The following BCAS3 variants were observed in gnomAD, a reference collection of about 807,000 sequenced individuals.
The protein encoded by BCAS3 is BCAS4/BCAS3 fusion.
In BCAS3, 53 loss-of-function variants were observed where a neutral mutation model predicts 116.1. The ratio of observed to expected loss-of-function variants is 0.46; its 90% CI spans 0.37 to 0.57. The LOEUF (loss-of-function observed/expected upper bound fraction) is 0.57. BCAS3 is among the 20% of genes least tolerant of loss of function. The probability of loss-of-function intolerance (pLI) is 0.00; values close to 1 mark genes in which losing one functional copy is unlikely to be tolerated. For missense variants in BCAS3, 917 were observed against 1,165.4 expected (o/e 0.79, Z 3.10); for synonymous variants, 391 against 408.2 (o/e 0.96, Z 0.51).
chr17:60,815,472 A>G (rs557654673), intron 7 of BCAS3, among the ~76,000 whole-genome samples: 3 of 152,326 alleles, frequency 2.0e-5, no homozygotes, highest in African/African-American at 7.2e-5. Context: ...AAAAAAGTCC[A>G]GTGCCAACTT....
In BCAS3 at chr17:61,040,873, T is replaced by C. The variant is rs185625888; in HGVS notation, c.2010T>C (p.Tyr670=). The change falls in exon 19 of 24, where the codon TAT becomes TAC. Residue 670 remains tyrosine (Y), a synonymous_variant. Transcript: ENST00000407086. The part of the protein sequence containing the change: ...LLLAADAVQY[Y]QFLLAGLVPP... ...TCGCTGCAGATGCAGTACAGTATTA[T>C]CAGTTCCTGCTTGCTGGCCGTAAGT... 156 of 1,613,962 alleles carry C rather than the reference T, an allele frequency of 9.7e-5. No homozygotes were observed. In the African/African-American group the frequency reaches 1.9e-3, roughly 20 times the overall value.
At chr17:60,959,896 A>G (rs2061331790) in intron 14 of BCAS3, among the ~76,000 whole-genome samples, 1 of 152,206 alleles carries the variant, frequency 6.6e-6, no homozygotes, top group South Asian at 2.1e-4. Context: ...TCTTTGAGTT[A>G]TAGCCACATC....
intron 22 of BCAS3, among the ~76,000 whole-genome samples, chr17:61,123,409 T>A (rs2075889411): frequency 6.6e-6 from 1 of 152,064 alleles, no homozygotes; most frequent in African/African-American, 2.4e-5. Flanking sequence ...TCGGACATAT[T>A]CAGTATAAAA....
At chr17:60,912,692 C>A (rs1355688762) in intron 12 of BCAS3, among the ~76,000 whole-genome samples, 2 of 152,008 alleles carry the variant, frequency 1.3e-5, no homozygotes, top group African/African-American at 4.8e-5. Flanking sequence ...CAAATGTTCT[C>A]TTTTTTAATT....
intron 5 of BCAS3, among the ~76,000 whole-genome samples, chr17:60,715,069 A>G (rs956014073): frequency 5.9e-5 from 9 of 152,162 alleles, no homozygotes; most frequent in Admixed American, 5.9e-4. Flanking sequence ...ATATATTTTA[A>G]AAACCAAATA....
At chr17:60,867,680 T>C (rs1024344333) in intron 7 of BCAS3, among the ~76,000 whole-genome samples, 7 of 152,196 alleles carry the variant, frequency 4.6e-5, no homozygotes, top group African/African-American at 1.7e-4. Context: ...ATGATCTATA[T>C]TTCTATGCAC....
intron 6 of BCAS3, among the ~76,000 whole-genome samples, chr17:60,780,203 T>A (rs1348659057): frequency 2.0e-5 from 3 of 151,724 alleles, no homozygotes; most frequent in African/African-American, 7.3e-5. Flanking sequence ...TTGGCCAAGC[T>A]GGTCTCAAAC....
At chr17:61,314,583 C>A (rs2054582902) in intron 22 of BCAS3, among the ~76,000 whole-genome samples, 1 of 152,222 alleles carries the variant, frequency 6.6e-6, no homozygotes, top group South Asian at 2.1e-4. Flanking sequence ...GACAACCTTA[C>A]AGCTACAGTG....
At chr17:60,686,356 GT>G (rs1650460811) in intron 3 of BCAS3, among the ~76,000 whole-genome samples, 1 of 152,088 alleles carries the variant, frequency 6.6e-6, no homozygotes, top group African/African-American at 2.4e-5. Flanking sequence ...TGGAGCCTAG[GT>G]ATTCTCTGGG....
rs1349315314 is a variant in BCAS3 at position 61,221,431 on chromosome 17, G to A, written c.2425+136867G>A. On this transcript the variant is annotated intron_variant, in intron 22 of 23. Coordinates refer to ENST00000407086, the MANE Select transcript of BCAS3 (RefSeq NM_017679.5). ...CTTCCCAAACCACATTGATAGCACTGGGTTATCATCTGTCCTTTAGAGATT... is the reference window on the plus strand; with the variant it reads ...CTTCCCAAACCACATTGATAGCACTAGGTTATCATCTGTCCTTTAGAGATT... 2.0e-5 allele frequency among the ~76,000 whole-genome samples: 3 copies of A among 152,106 alleles called. No homozygotes were observed. The East Asian group carries it at 5.8e-4, about 29-fold the overall frequency.
At chr17:61,060,925 C>T (rs187618327) in intron 19 of BCAS3, among the ~76,000 whole-genome samples, 4 of 149,890 alleles carry the variant, frequency 2.7e-5, no homozygotes, top group Admixed American at 6.6e-5. Flanking sequence ...AGTAGTTTGA[C>T]GTTGTGGAGT....
In BCAS3 at chr17:61,333,770, A is replaced by G. The variant is rs556673054; in HGVS notation, c.2426-34557A>G. Among the ~76,000 whole-genome samples, 133 of 151,802 alleles carry G rather than the reference A, an allele frequency of 8.8e-4. No homozygotes were observed. The highest frequency in any genetic ancestry group is 1.7e-3 in the Non-Finnish European group (115 of 67,924). Reference sequence around the variant, plus strand: ...CGAGTAGCTGGGATTACAGGGGCACACTACCACACCCAGCTCATTTTTATA... The same window carrying G: ...CGAGTAGCTGGGATTACAGGGGCACGCTACCACACCCAGCTCATTTTTATA... On this transcript the variant is annotated intron_variant, in intron 22 of 23. Transcript: ENST00000407086. This position sits in a 1 kb window ranked among gnomAD's most constrained non-coding sequence, Gnocchi z 4.8.
chr17:60,731,091 T>C (rs564235287), intron 5 of BCAS3, among the ~76,000 whole-genome samples: 266 of 152,334 alleles, frequency 1.7e-3, no homozygotes, highest in Non-Finnish European at 2.6e-3. Context: ...ATTTTTAAGT[T>C]AAAAAAACTA....
In BCAS3 at chr17:60,960,549, T is replaced by G. The variant is rs2061362820; in HGVS notation, c.1221+13197T>G. On this transcript the variant is annotated intron_variant, in intron 14 of 23. Coordinates refer to ENST00000407086, the MANE Select transcript of BCAS3 (RefSeq NM_017679.5). This position sits in a 1 kb window ranked among gnomAD's most constrained non-coding sequence, Gnocchi z 4.1. ...TGTGTTTCAAGGCCAGAGTTTCCCA[T>G]CTGGCTTGAGGCACTGCCCTCCTGG... Among the ~76,000 whole-genome samples, 1 of 152,204 alleles carries G rather than the reference T, an allele frequency of 6.6e-6. No homozygotes were observed. Among genetic ancestry groups the G allele is most frequent in the Admixed American group, 6.5e-5 (1 of 15,288 alleles).
At chr17:61,225,405 A>G (rs1210739792) in intron 22 of BCAS3, among the ~76,000 whole-genome samples, 3 of 152,136 alleles carry the variant, frequency 2.0e-5, no homozygotes, top group Non-Finnish European at 4.4e-5. Flanking sequence ...AAGGTCATGA[A>G]CTTGTACACT....
Position 61,126,554 on chromosome 17 carries a change from A to G in BCAS3, c.2425+41990A>G, listed in dbSNP as rs373469541. Among the ~76,000 whole-genome samples the G allele has an allele frequency of 2.0e-5, 3 of 152,220 alleles. No individual in the cohort carries two copies. The highest frequency in any genetic ancestry group is 4.4e-5 in the Non-Finnish European group (3 of 68,026). On this transcript the variant is annotated intron_variant, in intron 22 of 23. Coordinates refer to ENST00000407086, the MANE Select transcript of BCAS3 (RefSeq NM_017679.5). The surrounding 1 kb of genome is among the most constrained non-coding windows in gnomAD (Gnocchi z 4.6). ...GTCTGTTTTATAAAGATGTGTTTAT[A>G]TAGTCATTGGGTGAAAGATTGCAGA...
chr17:60,952,858 C>T (rs138466185), intron 14 of BCAS3, among the ~76,000 whole-genome samples: 8 of 152,154 alleles, frequency 5.3e-5, no homozygotes, highest in Non-Finnish European at 1.2e-4. Flanking sequence ...TAAGTGAGAA[C>T]ATGCAGTATT....
intron 5 of BCAS3, among the ~76,000 whole-genome samples, chr17:60,733,263 C>A (rs1237668084): frequency 6.6e-6 from 1 of 152,030 alleles, no homozygotes; most frequent in Non-Finnish European, 1.5e-5. Context: ...CTGTTAGAAT[C>A]ATTGATTTTG....
At chr17:61,066,578 A>G (rs140445151) in intron 19 of BCAS3, among the ~76,000 whole-genome samples, 3 of 152,252 alleles carry the variant, frequency 2.0e-5, no homozygotes, top group Non-Finnish European at 4.4e-5. Context: ...GTCCAATATA[A>G]TGAGAGTAAT....
Sources: gnomAD v4.1 joint callset for allele counts (sites outside exome capture counted in the v4.1 genomes callset) on GRCh38, gnomAD v4.1.1 for gene constraint, Gnocchi (gnomAD v3.1) non-coding constraint, MANE v1.5 for transcripts, NCBI Gene and HGNC (gene_info 2026-07-23, HGNC 2026-07-21) for gene names.